SPINT1: variants seen among roughly 807,000 people sequenced by gnomAD.
The protein encoded by SPINT1 is kunitz-type protease inhibitor 1.
In SPINT1, 38 loss-of-function variants were observed where a neutral mutation model predicts 53.7. The ratio of observed to expected loss-of-function variants is 0.71; its 90% CI spans 0.55 to 0.93. SPINT1 has a LOEUF of 0.93. Ranked by LOEUF, SPINT1 falls within the 40% of genes least tolerant of loss-of-function variation. The pLI is 0.00. For synonymous variants in SPINT1, 283 were observed against 280.6 expected (o/e 1.01, Z -0.08); for missense variants, 645 against 692.9 (o/e 0.93, Z 0.78).
In SPINT1 at chr15:40,857,029, G is replaced by A; in HGVS notation, c.*54G>A. 1.3e-6 allele frequency: 2 copies of A among 1,590,774 alleles called. No homozygotes were observed. Among genetic ancestry groups the A allele is most frequent in the South Asian group, 1.1e-5 (1 of 89,164 alleles). On this transcript the variant is annotated 3_prime_UTR_variant, in exon 11 of 11. Coordinates refer to ENST00000562057, the MANE Select transcript of SPINT1 (RefSeq NM_003710.4). ...CCTGCTTCCTGCTTGCCAAGGCAGA[G>A]GCCTGGGCTGGGAAAAACTTTGGAA... is the stretch of plus-strand genomic sequence containing the variant.
At position 40,856,755 on chromosome 15, in the gene SPINT1, C is replaced by G; in HGVS notation, c.1337-15C>G. On this transcript the variant is annotated splice_polypyrimidine_tract_variant and intron_variant, in intron 10 of 10. Transcript: ENST00000562057. ...AGGCCCTGGGAGCCCCTTATTCTACCCCTTCTTCCCCCAGGCTCTGTGGAG... is the reference window on the plus strand; with the variant it reads ...AGGCCCTGGGAGCCCCTTATTCTACGCCTTCTTCCCCCAGGCTCTGTGGAG... 1 of 1,613,902 alleles carries G rather than the reference C, an allele frequency of 6.2e-7. No individual in the cohort carries two copies. Among genetic ancestry groups the G allele is most frequent in the Non-Finnish European group, 8.5e-7 (1 of 1,179,980 alleles).
chr15:40,854,300 G>A, intron 6 of SPINT1, 97 bp from the exon 7 acceptor site: 1 of 1,490,720 alleles, frequency 6.7e-7, no homozygotes, highest in Non-Finnish European at 8.9e-7. Context: ...GAAAGGGAAT[G>A]GGGGATGTGC....
chr15:40,850,602 C>G (rs1249838711), intron 2 of SPINT1, among the ~76,000 whole-genome samples: 1 of 152,196 alleles, frequency 6.6e-6, no homozygotes, highest in Non-Finnish European at 1.5e-5. Flanking sequence ...TATATGTTCC[C>G]TCTAAATCCG....
intron 2 of SPINT1, among the ~76,000 whole-genome samples, chr15:40,851,256 C>T (rs1025808186): frequency 2.6e-5 from 4 of 151,856 alleles, no homozygotes; most frequent in East Asian, 1.9e-4. Context: ...CAGGTTCAAG[C>T]GATTCTCCTG....
rs1171295590 is a variant in SPINT1, at chr15:40,853,125, G to C, written c.477G>C (p.Gly159=). The C allele has an allele frequency of 2.5e-6, 4 of 1,613,830 alleles. No individual in the cohort carries two copies. The highest frequency in any genetic ancestry group is 3.4e-6 in the Non-Finnish European group (4 of 1,179,834). The change falls in exon 3 of 11, where the codon GGG becomes GGC. Residue 159 remains glycine (G), a splice_region_variant and synonymous_variant. Transcript: ENST00000562057. ...YRQLRTQGFG[G]SGIPKAWAGI... ...TATCTCACTTTCTCTCCCCGCCAGG[G>C]TCTGGGATCCCCAAGGCCTGGGCAG...
Position 40,844,742 on chromosome 15 carries a change from T to C in SPINT1, c.188T>C (p.Leu63Pro), listed in dbSNP as rs763112135. 2.5e-6 allele frequency: 4 copies of C among 1,610,658 alleles called. No homozygotes were observed. Among genetic ancestry groups the C allele is most frequent in the Non-Finnish European group, 3.4e-6 (4 of 1,178,124 alleles). ...SFTAGVPGFV[L>P]DTNASVSNGA... ...ACCGCCGGGGTGCCTGGCTTCGTGC[T>C]GGACACCAACGCCTCGGTCAGCAAC... Residue 63 changes from leucine (L) to proline (P), a missense_variant, in exon 2 of 11, where the codon CTG becomes CCG. By Grantham distance (98) the Leu-to-Pro change is moderately conservative. Transcript: ENST00000562057. This position sits in a 1 kb window ranked among gnomAD's most constrained non-coding sequence, Gnocchi z 5.8.
At chr15:40,853,391 CT>C (rs1891521771) in intron 3 of SPINT1, 97 bp from the exon 4 acceptor site, 3 of 1,604,874 alleles carry the variant, frequency 1.9e-6, no homozygotes, top group East Asian at 2.2e-5. Flanking sequence ...CCAACTCCCC[CT>C]GGCCTCCCCA....
chr15:40,856,855 C>T lies in SPINT1; in HGVS notation c.1422C>T (p.Asn474=). ...VAILGYCFFK[N]QRKDFHGHHH... is the part of the protein sequence containing the mutation. ...TCTTGGGTTACTGCTTCTTCAAGAA[C>T]CAGAGAAAGGACTTCCACGGACACC... Residue 474 remains asparagine (N), a synonymous_variant, in exon 11 of 11, where the codon AAC becomes AAT. Coordinates refer to ENST00000562057, the MANE Select transcript of SPINT1 (RefSeq NM_003710.4). The T allele has an allele frequency of 6.2e-7, 1 of 1,614,180 alleles. No homozygotes were observed. Among genetic ancestry groups the T allele is most frequent in the Non-Finnish European group, 8.5e-7 (1 of 1,180,028 alleles).
rs1891502958 is a variant in SPINT1 at position 40,852,873 on chromosome 15, AT to A, written c.476-250del. The stretch of plus-strand genomic sequence containing the variant: ...GAAACATAGCAAGACCCCATCTCTA[AT>A]AAAAAAAAAAAAAAGGAAAGAAAGT... On this transcript the variant is annotated intron_variant, in intron 2 of 10. Transcript: ENST00000562057. 4.0e-5 allele frequency among the ~76,000 whole-genome samples: 6 copies of A among 151,436 alleles called. No individual in the cohort carries two copies. In the South Asian group the frequency reaches 1.3e-3, roughly 32 times the overall value.
Position 40,856,382 on chromosome 15 carries a change from A to G in SPINT1, c.1336+59A>G, listed in dbSNP as rs1891642707. On this transcript the variant is annotated intron_variant, in intron 10 of 10. Transcript: ENST00000562057. Reference sequence around the variant, plus strand: ...CATGTAGGTATCAACTCACGGATCAACTCCACCTGTTGTGACAGCCTAACC... The same window carrying G: ...CATGTAGGTATCAACTCACGGATCAGCTCCACCTGTTGTGACAGCCTAACC... 1.1e-5 allele frequency: 18 copies of G among 1,601,040 alleles called. No individual in the cohort carries two copies. The South Asian group carries it at 1.5e-4, about 14-fold the overall frequency.
At chr15:40,851,738 T>C (rs1891463889) in intron 2 of SPINT1, among the ~76,000 whole-genome samples, 2 of 151,988 alleles carry the variant, frequency 1.3e-5, no homozygotes, top group South Asian at 4.2e-4. Context: ...AAAACAAATT[T>C]GGCCAGGTGT....
At chr15:40,856,618 G>T (rs1034519115) in intron 10 of SPINT1, 152 bp from the exon 11 acceptor site, 8 of 1,438,544 alleles carry the variant, frequency 5.6e-6, no homozygotes, top group African/African-American at 1.4e-5. Flanking sequence ...GGACAGAGCT[G>T]TTCAGCTGTT....
intron 5 of SPINT1, 78 bp from the exon 6 acceptor site, chr15:40,853,982 C>T: frequency 1.1e-5 from 17 of 1,539,390 alleles, no homozygotes; most frequent in Middle Eastern, 1.7e-4. Context: ...GGAGCTCTCC[C>T]TTGCCCACCC....
At chr15:40,856,457 C>A in intron 10 of SPINT1, 134 bp downstream of exon 10, 1 of 1,157,744 alleles carries the variant, frequency 8.6e-7, no homozygotes, top group Non-Finnish European at 1.3e-6. Flanking sequence ...GTACCGTAAT[C>A]AAATGGGGAT....
chr15:40,845,411 C>T (rs1891263967), intron 2 of SPINT1, among the ~76,000 whole-genome samples: 1 of 142,052 alleles, frequency 7.0e-6, no homozygotes. Flanking sequence ...CTCAGGTGAT[C>T]CACCCACCTT....
rs1891525458 is a variant in SPINT1 at position 40,853,504 on chromosome 15, C to T, written c.619C>T (p.Gln207Ter). 1 of 1,614,140 alleles carries T rather than the reference C, an allele frequency of 6.2e-7. No individual in the cohort carries two copies. Among genetic ancestry groups the T allele is most frequent in the Non-Finnish European group, 8.5e-7 (1 of 1,179,998 alleles). Residue 207 changes from glutamine to a stop codon, truncating the protein, a stop_gained, in exon 4 of 11, where the codon CAG (glutamine) becomes TAG (stop). Coordinates refer to ENST00000562057, the MANE Select transcript of SPINT1 (RefSeq NM_003710.4). LOFTEE classifies it high-confidence loss of function. ...CTGTGTGCAGAGGAAAGACCCAAAC[C>T]AGGTGGAACTGTGGGGACTCAAGGA... ...DVRVERKDPN[Q>*]VELWGLKEGT... is the part of the protein sequence containing the mutation.
chr15:40,844,803 G>T lies in SPINT1; in HGVS notation c.249G>T (p.Arg83=). 1 of 1,613,384 alleles carries T rather than the reference G, an allele frequency of 6.2e-7. No homozygotes were observed. The highest frequency in any genetic ancestry group is 2.2e-5 in the East Asian group (1 of 44,878). ...TCCTGGAGTCCCCCACCGTGCGCCG[G>T]GGCTGGGACTGCGTGCGCGCCTGCT... The part of the protein sequence containing the change: ...ATFLESPTVR[R]GWDCVRACCT... The change falls in exon 2 of 11, where the codon CGG becomes CGT. Residue 83 remains arginine, a synonymous_variant. Coordinates refer to ENST00000562057, the MANE Select transcript of SPINT1 (RefSeq NM_003710.4). The surrounding 1 kb of genome is among the most constrained non-coding windows in gnomAD (Gnocchi z 5.8).
At chr15:40,853,003 G>A in intron 2 of SPINT1, 121 bp from the exon 3 acceptor site, 1 of 1,303,960 alleles carries the variant, frequency 7.7e-7, no homozygotes, top group South Asian at 1.5e-5. Context: ...ACCCCATGCA[G>A]GCTGTGGAGT....
At position 40,853,802 on chromosome 15, in the gene SPINT1, C is replaced by T. The variant is rs753069864; in HGVS notation, c.834C>T (p.Phe278=). 25 of 1,614,206 alleles carry T rather than the reference C, an allele frequency of 1.5e-5. No individual in the cohort carries two copies. The highest frequency in any genetic ancestry group is 8.3e-5 in the Admixed American group (5 of 60,030). The change falls in exon 5 of 11, where the codon TTC becomes TTT. Residue 278 remains phenylalanine, a synonymous_variant. Coordinates refer to ENST00000562057, the MANE Select transcript of SPINT1 (RefSeq NM_003710.4). ...YDPTEQICKS[F]VYGGCLGNKN... is the part of the protein sequence containing the mutation. Reference sequence around the variant, plus strand: ...CCACGGAGCAGATCTGCAAGAGTTTCGTTTATGGAGGCTGCTTGGGCAACA... The same window carrying T: ...CCACGGAGCAGATCTGCAAGAGTTTTGTTTATGGAGGCTGCTTGGGCAACA...
Sources: allele counts gnomAD v4.1 joint callset (sites outside exome capture counted in the v4.1 genomes callset), GRCh38; gene constraint gnomAD v4.1.1; non-coding constraint Gnocchi (gnomAD v3.1); transcripts MANE v1.5; gene names NCBI Gene and HGNC (gene_info 2026-07-23, HGNC 2026-07-21).